CLGN: variants seen among roughly 807,000 people sequenced by gnomAD.
The protein encoded by CLGN is calmegin, also known as testis tissue sperm-binding protein Li 79P.
In CLGN, 62 loss-of-function variants were observed where a neutral mutation model predicts 79.1. The observed-to-expected ratio is 0.78, with a 90% CI of 0.64 to 0.97. The LOEUF (loss-of-function observed/expected upper bound fraction) is 0.97, where lower values mean the gene tolerates loss of function less well. Among genes scored for constraint, CLGN ranks in the 50% least tolerant of loss-of-function variants. CLGN has a pLI of 0.00. For synonymous variants in CLGN, 225 were observed against 224.7 expected (o/e 1.00, Z -0.01); for missense variants, 647 against 715.5 (o/e 0.90, Z 1.09).
At chr4:140,412,792 TAA>T (rs1729237217) in intron 2 of CLGN, 141 bp downstream of exon 2, 7 of 743,048 alleles carry the variant, frequency 9.4e-6, no homozygotes, top group Non-Finnish European at 1.5e-5. Context: ...ATTAAAGTAA[TAA>T]GACACTTAGA....
chr4:140,405,367 G>A (rs1729086781), intron 5 of CLGN, among the ~76,000 whole-genome samples: 1 of 149,830 alleles, frequency 6.7e-6, no homozygotes, highest in Admixed American at 6.6e-5. Context: ...TGTATTTTTA[G>A]TAGAGACGGG....
At chr4:140,391,203 T>C (rs1728764962) in intron 13 of CLGN, among the ~76,000 whole-genome samples, 1 of 151,750 alleles carries the variant, frequency 6.6e-6, no homozygotes. Context: ...AGGAGCTATA[T>C]AAAGTAAAAA....
intron 8 of CLGN, among the ~76,000 whole-genome samples, chr4:140,397,592 AT>A (rs1490075594): frequency 6.6e-6 from 1 of 152,076 alleles, no homozygotes; most frequent in Non-Finnish European, 1.5e-5. Context: ...TCCTTATTTA[AT>A]TCTAGCATTC....
intron 3 of CLGN, among the ~76,000 whole-genome samples, 160 bp downstream of exon 3, chr4:140,410,392 AT>A (rs1729187456): frequency 6.6e-6 from 1 of 152,018 alleles, no homozygotes; most frequent in African/African-American, 2.4e-5. Flanking sequence ...TAAACATTCT[AT>A]CAATTACAAA....
At chr4:140,415,701 C>T (rs1431626501) in intron 1 of CLGN, among the ~76,000 whole-genome samples, 1 of 143,526 alleles carries the variant, frequency 7.0e-6, no homozygotes, top group Admixed American at 7.0e-5. Context: ...ATTCATAAAG[C>T]AAGTCCTGAG....
intron 1 of CLGN, among the ~76,000 whole-genome samples, chr4:140,420,856 T>G (rs140709239): frequency 6.6e-6 from 1 of 152,294 alleles, no homozygotes; most frequent in East Asian, 1.9e-4. Flanking sequence ...TTAAAATTGT[T>G]TTAAATCACG....
intron 7 of CLGN, 114 bp from the exon 8 acceptor site, chr4:140,399,154 AG>A: frequency 1.3e-6 from 1 of 753,894 alleles, no homozygotes; most frequent in Non-Finnish European, 2.0e-6. Flanking sequence ...TTTCCCAACC[AG>A]AAATAGAGGA....
chr4:140,408,762 G>A (rs1008977834), intron 4 of CLGN, among the ~76,000 whole-genome samples: 2 of 151,248 alleles, frequency 1.3e-5, no homozygotes, highest in African/African-American at 4.8e-5. Context: ...CAGCATGGAG[G>A]TTTATTAAAA....
Position 140,390,656 on chromosome 4 carries a change from T to G in CLGN, c.1724A>C (p.Gln575Pro). ...ATCCTCTGACCCAGACTTATTTGAT[T>G]GATTACTTTCTTCTTGCCCTTCTAT... ...EIIEGQEESN[Q>P]SNKSGSEDEM... The change falls in exon 14 of 15, where the codon CAA (glutamine) becomes CCA (proline). Residue 575 changes from glutamine to proline, a missense_variant. Physicochemically the swap from Gln to Pro is moderately conservative, Grantham distance 76. Coordinates refer to ENST00000325617, the MANE Select transcript of CLGN (RefSeq NM_004362.3). 6.2e-7 allele frequency: 1 copy of G among 1,602,984 alleles called. No individual in the cohort carries two copies. The highest frequency in any genetic ancestry group is 8.5e-7 in the Non-Finnish European group (1 of 1,173,646).
chr4:140,404,230 GC>G (rs1456015676), intron 5 of CLGN, among the ~76,000 whole-genome samples: 2 of 151,396 alleles, frequency 1.3e-5, no homozygotes, highest in Non-Finnish European at 3.0e-5. Context: ...AGTAGCTGGG[GC>G]TACAGGCGCC....
chr4:140,408,818 T>C, intron 4 of CLGN, among the ~76,000 whole-genome samples: 1 of 150,688 alleles, frequency 6.6e-6, no homozygotes, highest in East Asian at 1.9e-4. Flanking sequence ...CCACTACTGC[T>C]TTTTCTGTGC....
chr4:140,425,430 GT>G (rs1729546271), intron 1 of CLGN, among the ~76,000 whole-genome samples: 2 of 9,324 alleles, frequency 2.1e-4, no homozygotes, highest in Non-Finnish European at 5.1e-4. Flanking sequence ...AATCAATAGG[GT>G]GTGTGTGTGT....
intron 1 of CLGN, among the ~76,000 whole-genome samples, chr4:140,416,658 T>A (rs1181940910): frequency 9.6e-4 from 145 of 151,274 alleles, no homozygotes; most frequent in Non-Finnish European, 1.7e-3. Flanking sequence ...AGGAAGAAGT[T>A]GAATCTCTGA....
At chr4:140,400,598 T>C in intron 6 of CLGN, 49 bp from the exon 7 acceptor site, 10 of 1,215,776 alleles carry the variant, frequency 8.2e-6, no homozygotes, top group Non-Finnish European at 1.2e-5. Context: ...ACAGACTATT[T>C]AATGCATTTC....
At chr4:140,415,031 G>T (rs1295142737) in intron 1 of CLGN, among the ~76,000 whole-genome samples, 1 of 151,886 alleles carries the variant, frequency 6.6e-6, no homozygotes, top group African/African-American at 2.4e-5. Flanking sequence ...CCAGAAGAGA[G>T]TGGGGGCCAA....
intron 4 of CLGN, among the ~76,000 whole-genome samples, chr4:140,408,292 C>A (rs772390507): frequency 6.6e-6 from 1 of 151,944 alleles, no homozygotes; most frequent in Non-Finnish European, 1.5e-5. Context: ...GACCAAGAAC[C>A]CAAAAGCAAA....
At chr4:140,414,649 A>G (rs1160638554) in intron 1 of CLGN, among the ~76,000 whole-genome samples, 2 of 145,326 alleles carry the variant, frequency 1.4e-5, no homozygotes, top group African/African-American at 5.1e-5. Context: ...AAGTTTAGAG[A>G]AAAAAGAATA....
chr4:140,403,760 A>G (rs1729041181), intron 5 of CLGN, among the ~76,000 whole-genome samples: 1 of 152,222 alleles, frequency 6.6e-6, no homozygotes, highest in African/African-American at 2.4e-5. Flanking sequence ...TAGAGTTTTC[A>G]AATAATTAAC....
rs80324352 is a variant in CLGN at position 140,421,413 on chromosome 4, A to G, written c.-10+6124T>C. 3.9e-5 allele frequency among the ~76,000 whole-genome samples: 6 copies of G among 152,192 alleles called. No individual in the cohort carries two copies. In the East Asian group the frequency reaches 9.6e-4, roughly 24 times the overall value. ...GCTTTACCATTTTACCTTCCCACCAACAAGGCACAAGGGTTCCAATTTCTA... is the reference window on the plus strand; with the variant it reads ...GCTTTACCATTTTACCTTCCCACCAGCAAGGCACAAGGGTTCCAATTTCTA... On this transcript the variant is annotated intron_variant, in intron 1 of 14. Transcript: ENST00000325617.
Sources: gnomAD v4.1 joint callset for allele counts (sites outside exome capture counted in the v4.1 genomes callset) on GRCh38, gnomAD v4.1.1 for gene constraint, MANE v1.5 for transcripts, NCBI Gene and HGNC (gene_info 2026-07-23, HGNC 2026-07-21) for gene names.